Variants in RNF38 observed in about 807,000 individuals in gnomAD.
RNF38 encodes ring finger protein 38, also known as E3 ubiquitin-protein ligase RNF38.
RNF38 carries 15 observed loss-of-function variants against 67.2 expected under a neutral mutation model. That is an observed-to-expected ratio of 0.22 (90% CI 0.15 to 0.34). The LOEUF (loss-of-function observed/expected upper bound fraction) is 0.34. Among genes scored for constraint, RNF38 ranks in the 10% least tolerant of loss-of-function variants. RNF38 has a pLI of 1.00. For missense variants in RNF38, 524 were observed against 639.9 expected, an observed-to-expected ratio of 0.82 and a Z score of 1.95; for synonymous variants, 220 against 218.8, an observed-to-expected ratio of 1.01 and a Z score of -0.05.
At chr9:36,425,562 C>T (rs920606070) in intron 1 of RNF38, among the ~76,000 whole-genome samples, 7 of 151,876 alleles carry the variant, frequency 4.6e-5, no homozygotes, top group Admixed American at 2.0e-4. Flanking sequence ...CGCGTGGTGG[C>T]GCACCCCTGT....
chr9:36,354,233 C>G (rs987631146), intron 6 of RNF38, among the ~76,000 whole-genome samples: 1 of 152,172 alleles, frequency 6.6e-6, no homozygotes, highest in African/African-American at 2.4e-5. Context: ...GCTCTTCTTG[C>G]CCAGGCTGGA....
At chr9:36,367,616 G>C (rs1267316632) in intron 4 of RNF38, among the ~76,000 whole-genome samples, 1 of 151,404 alleles carries the variant, frequency 6.6e-6, no homozygotes, top group Admixed American at 6.6e-5. Flanking sequence ...ATACCTTCTT[G>C]CTGAAAACAG....
At chr9:36,398,953 AAAAG>A (rs1160959097) in intron 1 of RNF38, among the ~76,000 whole-genome samples, 1 of 152,210 alleles carries the variant, frequency 6.6e-6, no homozygotes, top group Non-Finnish European at 1.5e-5. Context: ...CAGCCTCAAA[AAAAG>A]AAAGTGAGCA....
intron 4 of RNF38, among the ~76,000 whole-genome samples, chr9:36,366,734 T>C (rs1055585419): frequency 1.3e-5 from 2 of 152,224 alleles, no homozygotes; most frequent in African/African-American, 4.8e-5. Flanking sequence ...GTTCAAAGTT[T>C]CACCTTTAAG....
At chr9:36,397,229 C>T (rs972058983) in intron 1 of RNF38, among the ~76,000 whole-genome samples, 3 of 151,694 alleles carry the variant, frequency 2.0e-5, no homozygotes, top group Non-Finnish European at 4.4e-5. Flanking sequence ...AATTCTCCTG[C>T]TTCAGCCTCC....
intron 1 of RNF38, among the ~76,000 whole-genome samples, chr9:36,390,910 G>A (rs536487238): frequency 4.6e-5 from 7 of 152,202 alleles, no homozygotes; most frequent in South Asian, 4.2e-4. Flanking sequence ...TGTTAATTCC[G>A]AAATCCTAAA....
chr9:36,357,377 G>GTC (rs1213825833), intron 5 of RNF38, among the ~76,000 whole-genome samples: 2 of 152,172 alleles, frequency 1.3e-5, no homozygotes, highest in Admixed American at 6.5e-5. Flanking sequence ...TTAAAACTCA[G>GTC]TAAGTGCTGA....
At chr9:36,385,586 C>T (rs1836559772) in intron 2 of RNF38, among the ~76,000 whole-genome samples, 1 of 152,036 alleles carries the variant, frequency 6.6e-6, no homozygotes, top group Admixed American at 6.6e-5. Flanking sequence ...ACCATGTTGG[C>T]CAGGCTAGTC....
At chr9:36,416,740 A>ATC (rs1491451376) in intron 2 of RNF38, among the ~76,000 whole-genome samples, 1 of 73,032 alleles carries the variant, frequency 1.4e-5, no homozygotes, top group Non-Finnish European at 2.7e-5. Flanking sequence ...TGCTGCCTCG[A>ATC]TATTTTTTTT....
chr9:36,400,892 A>C (rs1587619855), upstream of RNF38: 4 of 928,374 alleles, frequency 4.3e-6, no homozygotes, highest in Non-Finnish European at 2.5e-6. Context: ...CGGCCCGGCC[A>C]CGCCCCTCCC....
chr9:36,467,559 T>C (rs934933711), intron 1 of RNF38, among the ~76,000 whole-genome samples: 8 of 152,144 alleles, frequency 5.3e-5, no homozygotes, highest in Non-Finnish European at 1.2e-4. Context: ...TGCTCTCTGC[T>C]TCAAGAGTCA....
chr9:36,405,679 T>C (rs1277279678), upstream of RNF38, among the ~76,000 whole-genome samples: 1 of 152,214 alleles, frequency 6.6e-6, no homozygotes, highest in Admixed American at 6.5e-5. Context: ...TAAATTTCCT[T>C]AGATGTCCTG....
intron 2 of RNF38, among the ~76,000 whole-genome samples, chr9:36,416,740 A>ATTTTTTT (rs1491451376): frequency 8.2e-5 from 6 of 73,032 alleles, no homozygotes; most frequent in African/African-American, 3.3e-4. Context: ...TGCTGCCTCG[A>ATTTTTTT]TATTTTTTTT....
chr9:36,421,915 A>G (rs577498635), intron 2 of RNF38, among the ~76,000 whole-genome samples: 2 of 151,876 alleles, frequency 1.3e-5, no homozygotes, highest in African/African-American at 4.8e-5. Flanking sequence ...CCTCCCCAGA[A>G]TAACACCTGA....
chr9:36,434,380 A>AG (rs1162773604), intron 1 of RNF38, among the ~76,000 whole-genome samples: 1 of 142,506 alleles, frequency 7.0e-6, no homozygotes, highest in Non-Finnish European at 1.5e-5. Flanking sequence ...CGGGAGGAGG[A>AG]GGGGAAGGAC....
At chr9:36,456,215 C>T (rs952794494) in intron 1 of RNF38, among the ~76,000 whole-genome samples, 6 of 152,130 alleles carry the variant, frequency 3.9e-5, no homozygotes, top group African/African-American at 1.4e-4. Flanking sequence ...TACACCACCA[C>T]ATCTGGCTAA....
chr9:36,364,050 G>A lies in RNF38; in HGVS notation c.570+5669C>T, dbSNP rs189719324. On this transcript the variant is annotated intron_variant, in intron 4 of 11. Transcript: ENST00000259605. ...GTCACCATGTTGGCCAGGCTGGCTC[G>A]AACTCTTGACCTCAAGGGATCTGCC... Among the ~76,000 whole-genome samples the A allele has an allele frequency of 7.4e-3, 405 of 54,890 alleles. 139 individuals are homozygous for A. The highest frequency in any genetic ancestry group is 0.054 in the Middle Eastern group (7 of 130). 36.0% of individuals were successfully genotyped at this position (54,890 alleles called of 152,430 possible).
At chr9:36,428,342 G>C (rs1157566176) in intron 1 of RNF38, among the ~76,000 whole-genome samples, 2 of 151,712 alleles carry the variant, frequency 1.3e-5, no homozygotes, top group African/African-American at 4.8e-5. Flanking sequence ...GAACCCGGGA[G>C]GTGGAGGTTG....
At position 36,351,099 on chromosome 9, in the gene RNF38, C is replaced by A; in HGVS notation, c.1263+16G>T. 1 of 1,548,034 alleles carries A rather than the reference C, an allele frequency of 6.5e-7. No homozygotes were observed. The highest frequency in any genetic ancestry group is 8.9e-7 in the Non-Finnish European group (1 of 1,121,718). ...ACACAATATTCCCCAAATTAATTCA[C>A]AATTCATCTACTAACCTCGTAATTT... On this transcript the variant is annotated intron_variant, in intron 9 of 11. Coordinates refer to ENST00000259605, the MANE Select transcript of RNF38 (RefSeq NM_022781.5).
Sources: gnomAD v4.1 joint callset for allele counts (sites outside exome capture counted in the v4.1 genomes callset) on GRCh38, gnomAD v4.1.1 for gene constraint, MANE v1.5 for transcripts, NCBI Gene and HGNC (gene_info 2026-07-23, HGNC 2026-07-21) for gene names.